WWC2: variants seen among roughly 807,000 people sequenced by gnomAD.
WWC2 encodes WW and C2 domain containing 2.
Under a neutral mutation model 138.5 loss-of-function variants are expected in WWC2, and 101 were observed. The ratio of observed to expected loss-of-function variants is 0.73; its 90% confidence interval spans 0.62 to 0.86. The LOEUF (loss-of-function observed/expected upper bound fraction) is 0.86. Ranked by LOEUF, WWC2 falls within the 40% of genes least tolerant of loss-of-function variation. WWC2 has a pLI of 0.00. For missense variants in WWC2, 1,420 were observed against 1,419.4 expected, an observed-to-expected ratio of 1.00 and a Z score of -0.01; for synonymous variants, 558 against 538.4, an observed-to-expected ratio of 1.04 and a Z score of -0.50.
chr4:183,158,674 TCA>T (rs1228901627), intron 1 of WWC2, among the ~76,000 whole-genome samples: 1 of 151,914 alleles, frequency 6.6e-6, no homozygotes, highest in Non-Finnish European at 1.5e-5. Context: ...TCATAACAAG[TCA>T]CAGTGCTCAA....
intron 1 of WWC2, 116 bp from the exon 2 acceptor site, chr4:183,193,483 T>G: frequency 1.2e-6 from 1 of 859,488 alleles, no homozygotes; most frequent in South Asian, 1.7e-5. Context: ...TCCTTGGTTT[T>G]TTTTTTTCTT....
intron 1 of WWC2, among the ~76,000 whole-genome samples, chr4:183,167,676 A>G (rs1411377045): frequency 2.0e-5 from 3 of 152,148 alleles, no homozygotes; most frequent in Non-Finnish European, 2.9e-5. Context: ...TAAACAAAAA[A>G]CATGGGTGAT....
rs930683230 is a variant in WWC2 at position 183,312,915 on chromosome 4, C to T, written c.3512+447C>T. Among the ~76,000 whole-genome samples the T allele has an allele frequency of 2.8e-4, 43 of 152,036 alleles. 2 individuals are homozygous for T. Among genetic ancestry groups the T allele is most frequent in the Non-Finnish European group, 4.4e-5 (3 of 68,004 alleles). Reference sequence around the variant, plus strand: ...GGCTCTAGGCTGTGGCAGGGATAGGCGGGTAACCAGGTCATTGCAGTGCAT... The same window carrying T: ...GGCTCTAGGCTGTGGCAGGGATAGGTGGGTAACCAGGTCATTGCAGTGCAT... On this transcript the variant is annotated intron_variant, in intron 22 of 22. Coordinates refer to ENST00000403733, the MANE Select transcript of WWC2 (RefSeq NM_024949.6).
intron 1 of WWC2, among the ~76,000 whole-genome samples, chr4:183,178,309 T>C (rs569158796): frequency 2.4e-4 from 36 of 151,748 alleles, no homozygotes; most frequent in Non-Finnish European, 4.4e-4. Flanking sequence ...GGGATACCAA[T>C]GTGGGAGGAT....
intron 1 of WWC2, among the ~76,000 whole-genome samples, chr4:183,122,143 G>GA (rs1262546941): frequency 2.0e-5 from 3 of 152,018 alleles, no homozygotes; most frequent in Non-Finnish European, 4.4e-5. Context: ...ATTTTTATTG[G>GA]AAAGTTGCTA....
rs1462023608 is a variant in WWC2, at chr4:183,268,967, G to A, written c.2208-4G>A. 1 of 1,607,732 alleles carries A rather than the reference G, an allele frequency of 6.2e-7. No individual in the cohort carries two copies. The highest frequency in any genetic ancestry group is 1.3e-5 in the African/African-American group (1 of 74,526). On this transcript the variant is annotated splice_region_variant and splice_polypyrimidine_tract_variant and intron_variant, in intron 14 of 22. Transcript: ENST00000403733. ...GAAATCCATTTTATTCTTGTTCTTT[G>A]CAGATATTTTAGGGTTGCCGTTCTT... is the stretch of plus-strand genomic sequence containing the variant.
chr4:183,104,739 T>C (rs544942695), intron 1 of WWC2, among the ~76,000 whole-genome samples: 24 of 152,174 alleles, frequency 1.6e-4, no homozygotes, highest in Non-Finnish European at 3.1e-4. Context: ...AAAAGAAATA[T>C]TCTTTTTAAC....
intron 1 of WWC2, among the ~76,000 whole-genome samples, chr4:183,105,751 G>C (rs1013778724): frequency 2.6e-5 from 4 of 152,050 alleles, no homozygotes; most frequent in African/African-American, 7.2e-5. Context: ...TTTGCCAGGC[G>C]TGGTGGCGGG....
intron 9 of WWC2, among the ~76,000 whole-genome samples, chr4:183,256,208 T>C (rs550272713): frequency 6.6e-6 from 1 of 152,348 alleles, no homozygotes; most frequent in South Asian, 2.1e-4. Context: ...AGGCAAATCC[T>C]CATACTTACA....
intron 11 of WWC2, 37 bp downstream of exon 11, chr4:183,261,569 A>C: frequency 6.4e-7 from 1 of 1,565,662 alleles, no homozygotes; most frequent in Non-Finnish European, 8.6e-7. Context: ...ATTCCCTGTT[A>C]GTGATTTTAA....
At chr4:183,297,973 G>A (rs1460585574) in intron 21 of WWC2, among the ~76,000 whole-genome samples, 1 of 152,250 alleles carries the variant, frequency 6.6e-6, no homozygotes, top group African/African-American at 2.4e-5. Flanking sequence ...AGGGGCCAGA[G>A]AAGGGACATA....
At chr4:183,305,513 AG>A (rs71589544) in intron 21 of WWC2, among the ~76,000 whole-genome samples, 12,637 of 152,164 alleles carry the variant, frequency 0.083, 746 homozygotes, top group Non-Finnish European at 0.13. Flanking sequence ...AAGAAGCCAG[AG>A]GGGGAAAAAA....
chr4:183,281,840 T>C (rs1304009229), intron 17 of WWC2, among the ~76,000 whole-genome samples: 5 of 152,212 alleles, frequency 3.3e-5, no homozygotes, highest in African/African-American at 9.6e-5. Flanking sequence ...TATCTTTAAA[T>C]AGTAATTCTC....
intron 16 of WWC2, among the ~76,000 whole-genome samples, chr4:183,275,233 A>G (rs771466674): frequency 9.9e-5 from 15 of 152,096 alleles, no homozygotes; most frequent in Non-Finnish European, 1.3e-4. Context: ...TAGATTTTCT[A>G]TAAGATCATA....
chr4:183,251,462 C>T (rs1441701501), intron 8 of WWC2, among the ~76,000 whole-genome samples: 1 of 152,228 alleles, frequency 6.6e-6, no homozygotes, highest in East Asian at 1.9e-4. Flanking sequence ...AACTTTCACC[C>T]TCCTTTGACT....
At chr4:183,297,055 G>A (rs1341560423) in intron 21 of WWC2, among the ~76,000 whole-genome samples, 2 of 150,822 alleles carry the variant, frequency 1.3e-5, no homozygotes, top group Admixed American at 6.6e-5. Flanking sequence ...GCCCACTACA[G>A]CCTCAACCTC....
chr4:183,299,957 C>T (rs751344826), intron 21 of WWC2, among the ~76,000 whole-genome samples: 2 of 152,168 alleles, frequency 1.3e-5, no homozygotes, highest in Admixed American at 6.5e-5. Context: ...CACTCCTTAA[C>T]CTTCCTCCTT....
intron 1 of WWC2, among the ~76,000 whole-genome samples, chr4:183,117,771 G>T (rs923395008): frequency 6.6e-6 from 1 of 151,058 alleles, no homozygotes; most frequent in Non-Finnish European, 1.5e-5. Flanking sequence ...TGCCCAGCCC[G>T]CAGACCTTGA....
chr4:183,204,631 C>T (rs985443405), intron 2 of WWC2, among the ~76,000 whole-genome samples: 16 of 152,112 alleles, frequency 1.1e-4, no homozygotes, highest in African/African-American at 3.6e-4. Context: ...TTATTATATA[C>T]AAATACATAA....
Sources: gnomAD v4.1 joint callset for allele counts (sites outside exome capture counted in the v4.1 genomes callset) on GRCh38, gnomAD v4.1.1 for gene constraint, MANE v1.5 for transcripts, NCBI Gene and HGNC (gene_info 2026-07-23, HGNC 2026-07-21) for gene names.